STAG3: variants seen among roughly 807,000 people sequenced by gnomAD.
STAG3 encodes the protein STAG3 cohesin complex component, also known as cohesin subunit SA-3.
Under a neutral mutation model 160.7 loss-of-function variants are expected in STAG3, and 101 were observed. That is an observed-to-expected ratio of 0.63 (90% CI 0.54 to 0.74). STAG3 has a LOEUF of 0.74. Ranked by LOEUF, STAG3 falls within the 30% of genes least tolerant of loss-of-function variation. The pLI, the probability that STAG3 is intolerant of heterozygous loss-of-function variation, is 0.00. For missense variants in STAG3, 1,188 were observed against 1,517.4 expected (o/e 0.78, Z 3.61); for synonymous variants, 519 against 585.0 (o/e 0.89, Z 1.63).
chr7:100,201,380 G>A (rs762107500), intron 21 of STAG3, 29 bp downstream of exon 21: 19 of 1,599,948 alleles, frequency 1.2e-5, no homozygotes, highest in Non-Finnish European at 8.6e-7. Flanking sequence ...GATGGGTTGG[G>A]GGCTGGGGGG....
chr7:100,186,336 G>A, intron 5 of STAG3, 40 bp downstream of exon 5: 1 of 1,520,802 alleles, frequency 6.6e-7, no homozygotes. Flanking sequence ...CCAGCCTTTT[G>A]TTCCTATGTT....
rs1416214040 is a variant in STAG3 at position 100,214,302 on chromosome 7, T to C, written c.*287T>C. On this transcript the variant is annotated 3_prime_UTR_variant, in exon 34 of 34. Coordinates refer to ENST00000615138, the MANE Select transcript of STAG3 (RefSeq NM_001282717.2). ...CTCTGTGTTTAATGGAAATAGCCCA[T>C]AGTCTCCTGGATTTTTGGAACATCT... 2.1e-6 allele frequency: 1 copy of C among 478,552 alleles called. No homozygotes were observed. Among genetic ancestry groups the C allele is most frequent in the Non-Finnish European group, 3.7e-6 (1 of 270,952 alleles). The allele number at this position is 478,552 out of a possible 1,614,324, so 29.6% of individuals were successfully genotyped here.
Position 100,188,795 on chromosome 7 carries a change from CATACATCCTTTTG to C in STAG3, c.511-16_511-4del. On this transcript the variant is annotated splice_polypyrimidine_tract_variant and splice_region_variant and intron_variant, in intron 6 of 33. Coordinates refer to ENST00000615138, the MANE Select transcript of STAG3 (RefSeq NM_001282717.2). ...CTGGTAATAACTTTCCCATCCTTTT[CATACATCCTTTTG>C]TAGGACTCGGGGGACTACCCTCTCA... The C allele has an allele frequency of 6.2e-7, 1 of 1,613,740 alleles. No individual in the cohort carries two copies. The highest frequency in any genetic ancestry group is 8.5e-7 in the Non-Finnish European group (1 of 1,179,674).
chr7:100,198,597 T>G lies in STAG3; in HGVS notation c.1352+15T>G. The G allele has an allele frequency of 6.2e-7, 1 of 1,608,290 alleles. No homozygotes were observed. ...CTGTACTGGAAGTGAGTGGGGCTCC[T>G]TTTATGTTTCTTTAACACCACGCTC... is the stretch of plus-strand genomic sequence containing the variant. On this transcript the variant is annotated intron_variant, in intron 13 of 33. Transcript: ENST00000615138.
chr7:100,180,865 ATAG>A (rs1313399973), intron 2 of STAG3, 193 bp downstream of exon 2: 1 of 441,718 alleles, frequency 2.3e-6, no homozygotes, highest in Non-Finnish European at 4.1e-6. Flanking sequence ...AGACATCAAA[ATAG>A]TAGTACATCC....
At chr7:100,196,440 T>C (rs1800697790) in intron 9 of STAG3, among the ~76,000 whole-genome samples, 1 of 151,974 alleles carries the variant, frequency 6.6e-6, no homozygotes, top group Non-Finnish European at 1.5e-5. Flanking sequence ...ACCACCATGC[T>C]TGGCTAATTT....
chr7:100,189,828 A>G (rs561777754), intron 8 of STAG3, among the ~76,000 whole-genome samples: 9 of 148,108 alleles, frequency 6.1e-5, no homozygotes, highest in African/African-American at 2.2e-4. Flanking sequence ...ACTTTTGCTC[A>G]GTTTTTTTTT....
intron 29 of STAG3, among the ~76,000 whole-genome samples, chr7:100,208,303 G>A (rs1409360881): frequency 1.3e-5 from 2 of 152,048 alleles, no homozygotes; most frequent in Admixed American, 1.3e-4. Flanking sequence ...TAGTTGTTAG[G>A]GACCTACTAT....
chr7:100,200,597 C>T, intron 18 of STAG3, 55 bp downstream of exon 18: 1 of 1,584,862 alleles, frequency 6.3e-7, no homozygotes, highest in South Asian at 1.1e-5. Context: ...CCAAAGGGTT[C>T]TATTGCCAGT....
At position 100,209,191 on chromosome 7, in the gene STAG3, G is replaced by A. The variant is rs796711356; in HGVS notation, c.3239-1820G>A. 1.1e-4 allele frequency among the ~76,000 whole-genome samples: 16 copies of A among 152,316 alleles called. 1 individual carries two copies. Among genetic ancestry groups the A allele is most frequent in the African/African-American group, 3.4e-4 (14 of 41,568 alleles). On this transcript the variant is annotated intron_variant, in intron 29 of 33. Transcript: ENST00000615138. ...TTAAGCTGAAGTTTCCTGCTCCTAGGTTACACACAACACTTTCACTCTGAG... is the reference window on the plus strand; with the variant it reads ...TTAAGCTGAAGTTTCCTGCTCCTAGATTACACACAACACTTTCACTCTGAG...
chr7:100,211,244 C>T, intron 30 of STAG3, 59 bp downstream of exon 30: 2 of 1,527,006 alleles, frequency 1.3e-6, no homozygotes, highest in Non-Finnish European at 1.8e-6. Flanking sequence ...TGGCTGCCTC[C>T]ATCTTGCTGT....
At chr7:100,217,265 T>TCATGC (rs1228208429), downstream of STAG3, among the ~76,000 whole-genome samples, 2 of 152,210 alleles carry the variant, frequency 1.3e-5, no homozygotes, top group Non-Finnish European at 2.9e-5. Flanking sequence ...TGTGAAGGGT[T>TCATGC]CATGCCAGCA....
In STAG3 at chr7:100,204,730, G is replaced by A. The variant is rs1420343932; in HGVS notation, c.2906G>A (p.Gly969Glu). The change falls in exon 27 of 34, where the codon GGA (glycine) becomes GAA (glutamate). Residue 969 changes from glycine to glutamate, a missense_variant. Physicochemically the swap from Gly to Glu is moderately conservative, Grantham distance 98. Transcript: ENST00000615138. ...DLARRFALSF[G>E]PQQLQNRDLV... is the part of the protein sequence containing the mutation. ...GCCCGGAGGTTTGCCTTGAGTTTTG[G>A]ACCCCAGCAGCTGCAGAACCGTGAC... 3.1e-6 allele frequency: 5 copies of A among 1,613,904 alleles called. No homozygotes were observed. The highest frequency in any genetic ancestry group is 1.3e-5 in the African/African-American group (1 of 74,850).
chr7:100,198,738 C>T, intron 13 of STAG3, 105 bp from the exon 14 acceptor site: 1 of 1,259,228 alleles, frequency 7.9e-7, no homozygotes, highest in Non-Finnish European at 1.2e-6. Flanking sequence ...TAGCTCTCAC[C>T]TCCTTTTCCT....
chr7:100,204,954 G>C, intron 27 of STAG3, 51 bp from the exon 28 acceptor site: 1 of 1,597,410 alleles, frequency 6.3e-7, no homozygotes, highest in East Asian at 2.2e-5. Context: ...CTCAGGCCTG[G>C]GAGGGAAGTG....
In STAG3 at chr7:100,202,523, G is replaced by GC. The variant is rs756135848; in HGVS notation, c.2634dup (p.Lys879GlnfsTer26). 1 of 1,614,154 alleles carries GC rather than the reference G, an allele frequency of 6.2e-7. No individual in the cohort carries two copies. The highest frequency in any genetic ancestry group is 8.5e-7 in the Non-Finnish European group (1 of 1,180,036). On this transcript the variant is annotated frameshift_variant, in exon 25 of 34. Transcript: ENST00000615138. LOFTEE classifies it high-confidence loss of function. Reference sequence around the variant, plus strand: ...CGGCGCCGCCTCCTAGCCGGGTTCTGCAAGCTGTTGCTTTATGGGGTGCTG... The same window carrying GC: ...CGGCGCCGCCTCCTAGCCGGGTTCTGCCAAGCTGTTGCTTTATGGGGTGCTG...
chr7:100,179,085 C>G (rs987429651), intron 1 of STAG3, among the ~76,000 whole-genome samples: 2 of 151,586 alleles, frequency 1.3e-5, no homozygotes, highest in African/African-American at 4.8e-5. Flanking sequence ...GGCAGTCCTC[C>G]TGCTTCAGCT....
intron 5 of STAG3, among the ~76,000 whole-genome samples, chr7:100,187,860 G>A (rs1347784237): frequency 2.0e-5 from 3 of 151,076 alleles, no homozygotes; most frequent in East Asian, 1.9e-4. Context: ...AGGTTCAAGC[G>A]ATTCTCCTGC....
chr7:100,213,525 C>A (rs901743793), intron 32 of STAG3: 3 of 985,192 alleles, frequency 3.0e-6, no homozygotes, highest in Non-Finnish European at 3.6e-6. Context: ...AAAACAAAGT[C>A]ATTTAAGGGG....
Sources: allele counts gnomAD v4.1 joint callset (sites outside exome capture counted in the v4.1 genomes callset), GRCh38; gene constraint gnomAD v4.1.1; transcripts MANE v1.5; gene names NCBI Gene and HGNC (gene_info 2026-07-23, HGNC 2026-07-21).